The following KANK2 variants were observed in gnomAD, a reference collection of about 807,000 sequenced individuals.
KANK2 encodes KN motif and ankyrin repeat domains 2, also known as KN motif and ankyrin repeat domain-containing protein 2.
Under a neutral mutation model 74.6 loss-of-function variants are expected in KANK2, and 41 were observed. The ratio of observed to expected loss-of-function variants is 0.55; its 90% CI spans 0.43 to 0.71. The LOEUF is 0.71. Among genes scored for constraint, KANK2 ranks in the 30% least tolerant of loss-of-function variants. The pLI is 0.00. For missense variants in KANK2, 1,148 were observed against 1,196.4 expected (o/e 0.96, Z 0.60); for synonymous variants, 537 against 519.0 (o/e 1.03, Z -0.47).
intron 3 of KANK2, 37 bp downstream of exon 3, chr19:11,194,438 T>TC: frequency 6.3e-7 from 1 of 1,580,536 alleles, no homozygotes; most frequent in Non-Finnish European, 8.7e-7. Flanking sequence ...GAACTGAAGC[T>TC]CCCCGGGGCA....
chr19:11,188,638 A>G (rs1378327160), intron 4 of KANK2, among the ~76,000 whole-genome samples: 3 of 151,180 alleles, frequency 2.0e-5, no homozygotes, highest in Non-Finnish European at 4.4e-5. Flanking sequence ...CCTCCCTGGA[A>G]CATTGTTTTT....
At chr19:11,172,913 G>A in intron 10 of KANK2, 68 bp downstream of exon 10, 2 of 1,553,606 alleles carry the variant, frequency 1.3e-6, no homozygotes, top group Admixed American at 3.5e-5. Context: ...GTTTGGGCCT[G>A]TCACTCAGCT....
At position 11,174,627 on chromosome 19, in the gene KANK2, G is replaced by C; in HGVS notation, c.1914C>G (p.Pro638=). ...LRLACRSDAH[P]ELVRRHLVTF... is the part of the protein sequence containing the mutation. ...TGACCAGGTGCCGCCGCACCAGCTC[G>C]GGGTGTGCGTCGCTGCGGCAGGCCA... The change falls in exon 9 of 13, where the codon CCC becomes CCG. Residue 638 remains proline, a synonymous_variant. Transcript: ENST00000586659. The C allele has an allele frequency of 6.2e-7, 1 of 1,612,258 alleles. No individual in the cohort carries two copies.
chr19:11,173,694 C>T (rs1353176984), intron 9 of KANK2, among the ~76,000 whole-genome samples: 1 of 152,226 alleles, frequency 6.6e-6, no homozygotes, highest in Non-Finnish European at 1.5e-5. Context: ...CCTCCCCCAC[C>T]AGACTGGGAA....
At chr19:11,173,758 G>A (rs1600808729) in intron 9 of KANK2, among the ~76,000 whole-genome samples, 1 of 151,990 alleles carries the variant, frequency 6.6e-6, no homozygotes, top group Non-Finnish European at 1.5e-5. Flanking sequence ...ATAAGACCAG[G>A]AGGGTAGAGT....
chr19:11,187,860 G>A (rs753334103), intron 4 of KANK2, among the ~76,000 whole-genome samples: 10 of 152,140 alleles, frequency 6.6e-5, no homozygotes, highest in Admixed American at 1.3e-4. Flanking sequence ...GGCCGACGTG[G>A]AAGGATCACT....
At position 11,174,665 on chromosome 19, in the gene KANK2, C is replaced by T. The variant is rs773519785; in HGVS notation, c.1876G>A (p.Glu626Lys). 2 of 1,608,468 alleles carry T rather than the reference C, an allele frequency of 1.2e-6. No homozygotes were observed. Among genetic ancestry groups the T allele is most frequent in the Non-Finnish European group, 1.7e-6 (2 of 1,178,274 alleles). Reference protein sequence around the residue: ...LKVAYTTVLQEWLRLACRSDA... With the variant: ...LKVAYTTVLQKWLRLACRSDA... ...CTGCGGCAGGCCAGGCGCAGCCACTCCTGCAGCACTGTGGTGTAGGCCACT... is the reference window on the plus strand; with the variant it reads ...CTGCGGCAGGCCAGGCGCAGCCACTTCTGCAGCACTGTGGTGTAGGCCACT... Residue 626 changes from glutamate to lysine, a missense_variant, in exon 9 of 13, where the codon GAG becomes AAG. By Grantham distance (56) the Glu-to-Lys change is moderately conservative. Transcript: ENST00000586659.
rs1555820982 is a variant in KANK2 at position 11,194,578 on chromosome 19, G to T, written c.-67C>A. On this transcript the variant is annotated 5_prime_UTR_variant, in exon 3 of 13. Transcript: ENST00000586659. The stretch of plus-strand genomic sequence containing the variant: ...TGCGAGTCAGACTGCCTGCAGCACC[G>T]GCTGAGGCTTACCTGGGGAAAGAGA... The T allele has an allele frequency of 7.6e-7, 1 of 1,313,726 alleles. No individual in the cohort carries two copies. The highest frequency in any genetic ancestry group is 1.1e-6 in the Non-Finnish European group (1 of 909,216). The allele number at this position is 1,313,726 out of a possible 1,614,324, so 81.4% of individuals were successfully genotyped here.
chr19:11,180,649 G>A (rs2078488029), intron 4 of KANK2, among the ~76,000 whole-genome samples: 3 of 152,168 alleles, frequency 2.0e-5, no homozygotes, highest in Admixed American at 2.0e-4. Flanking sequence ...CTGAGCGAGA[G>A]CAAACGCCAG....
intron 12 of KANK2, among the ~76,000 whole-genome samples, chr19:11,168,577 T>C (rs1406954888): frequency 6.6e-6 from 1 of 152,084 alleles, no homozygotes; most frequent in East Asian, 1.9e-4. Context: ...GCGCCCAGCC[T>C]GATTGTGTCT....
At chr19:11,173,622 C>T (rs1249994525) in intron 9 of KANK2, among the ~76,000 whole-genome samples, 1 of 152,194 alleles carries the variant, frequency 6.6e-6, no homozygotes, top group Non-Finnish European at 1.5e-5. Context: ...GTGTTAGGTT[C>T]ACACGTTTCC....
chr19:11,176,878 G>A, intron 6 of KANK2, 61 bp from the exon 7 acceptor site: 2 of 1,480,270 alleles, frequency 1.4e-6, no homozygotes, highest in African/African-American at 2.8e-5. Flanking sequence ...TGGTGGGAAA[G>A]GAAGGCAGGG....
At chr19:11,186,394 TAAAA>T (rs1226287930) in intron 4 of KANK2, among the ~76,000 whole-genome samples, 1 of 133,716 alleles carries the variant, frequency 7.5e-6, no homozygotes, top group Admixed American at 7.7e-5. Flanking sequence ...TCTCAACAAA[TAAAA>T]AAAGAAAGAA....
In KANK2 at chr19:11,170,200, C is replaced by G. The variant is rs749771260; in HGVS notation, c.2260G>C (p.Val754Leu). The G allele has an allele frequency of 6.2e-7, 1 of 1,611,416 alleles. No homozygotes were observed. Among genetic ancestry groups the G allele is most frequent in the South Asian group, 1.1e-5 (1 of 91,086 alleles). Residue 754 changes from valine (V) to leucine (L), a missense_variant, in exon 11 of 13, where the codon GTT (valine) becomes CTT (leucine). Transcript: ENST00000586659. This position sits in a 1 kb window ranked among gnomAD's most constrained non-coding sequence, Gnocchi z 5.2. The stretch of plus-strand genomic sequence containing the variant: ...TCACAGGCCAGCAGGGCTTTGACAA[C>G]GTCCACCCGCCCGTGGCTGACGGCC... ...MLAVSHGRVD[V>L]VKALLACEAD... is the part of the protein sequence containing the mutation.
chr19:11,193,143 G>A lies in KANK2; in HGVS notation c.937C>T (p.Pro313Ser), dbSNP rs2078905238. 2 of 1,607,958 alleles carry A rather than the reference G, an allele frequency of 1.2e-6. No individual in the cohort carries two copies. Among genetic ancestry groups the A allele is most frequent in the Middle Eastern group, 1.7e-4 (1 of 6,036 alleles). The part of the protein sequence containing the change: ...LQAAQARQAD[P>S]QPQAWPPPDS... The stretch of plus-strand genomic sequence containing the variant: ...GGCGGTGGCCAGGCCTGGGGCTGGG[G>A]GTCAGCCTGCCGGGCCTGAGCTGCC... The change falls in exon 4 of 13, where the codon CCC becomes TCC. Residue 313 changes from proline (P) to serine (S), a missense_variant. By Grantham distance (74) the Pro-to-Ser change is moderately conservative (BLOSUM62 -1). Coordinates refer to ENST00000586659, the MANE Select transcript of KANK2 (RefSeq NM_001136191.3). The surrounding 1 kb of genome is among the most constrained non-coding windows in gnomAD (Gnocchi z 9.6).
At chr19:11,192,431 CT>C (rs34285924) in intron 4 of KANK2, 7,616 of 159,552 alleles carry the variant, frequency 0.048, 221 homozygotes, top group African/African-American at 0.16. Flanking sequence ...CCTTGGCATT[CT>C]TTTTTTTTTT....
At chr19:11,188,063 A>G (rs2078726637) in intron 4 of KANK2, among the ~76,000 whole-genome samples, 1 of 152,224 alleles carries the variant, frequency 6.6e-6, no homozygotes, top group African/African-American at 2.4e-5. Context: ...ACTGACCCTT[A>G]GCATTGAAGG....
intron 4 of KANK2, among the ~76,000 whole-genome samples, chr19:11,186,890 G>C (rs115646118): frequency 3.6e-4 from 55 of 152,268 alleles, no homozygotes; most frequent in Non-Finnish European, 6.6e-4. Context: ...AGAAGGGGTC[G>C]TGTGAAGATG....
In KANK2 at chr19:11,170,541, T is replaced by C. The variant is rs904318342; in HGVS notation, c.2212-293A>G. ...ACGTTCTGGAACTAGACGGAGGTGT[T>C]GGTTGCACAACAGGGTGAATGTATT... On this transcript the variant is annotated intron_variant, in intron 10 of 12. Coordinates refer to ENST00000586659, the MANE Select transcript of KANK2 (RefSeq NM_001136191.3). This position sits in a 1 kb window ranked among gnomAD's most constrained non-coding sequence, Gnocchi z 5.2. 18 of 495,940 alleles carry C rather than the reference T, an allele frequency of 3.6e-5. No homozygotes were observed. Among genetic ancestry groups the C allele is most frequent in the Non-Finnish European group, 5.1e-5 (14 of 273,776 alleles). The allele number at this position is 495,940 out of a possible 1,614,324, so 30.7% of individuals were successfully genotyped here. A position where few individuals can be genotyped will look rare whatever the true frequency, so the allele number is the denominator to read the frequency against.
Sources: allele counts gnomAD v4.1 joint callset (sites outside exome capture counted in the v4.1 genomes callset), GRCh38; gene constraint gnomAD v4.1.1; non-coding constraint Gnocchi (gnomAD v3.1); transcripts MANE v1.5; gene names NCBI Gene and HGNC (gene_info 2026-07-23, HGNC 2026-07-21).